ZNRF1: variants seen among roughly 807,000 people sequenced by gnomAD.
ZNRF1 encodes zinc and ring finger 1.
In ZNRF1, 3 loss-of-function variants were observed where a neutral mutation model predicts 18.4. The ratio of observed to expected loss-of-function variants is 0.16; its 90% CI spans 0.07 to 0.42. ZNRF1 has a LOEUF of 0.42. ZNRF1 is among the 10% of genes least tolerant of loss of function. The probability of loss-of-function intolerance (pLI) is 0.99; values close to 1 mark genes in which losing one functional copy is unlikely to be tolerated. For missense variants in ZNRF1, 310 were observed against 329.8 expected, an observed-to-expected ratio of 0.94 and a Z score of 0.47; for synonymous variants, 157 against 144.2, an observed-to-expected ratio of 1.09 and a Z score of -0.64.
intron 1 of ZNRF1, among the ~76,000 whole-genome samples, chr16:75,012,703 T>C (rs1367607479): frequency 6.6e-6 from 1 of 152,214 alleles, no homozygotes; most frequent in African/African-American, 2.4e-5. Context: ...GCGTGAGTTT[T>C]AGCTGTTTTC....
intron 3 of ZNRF1, chr16:75,105,222 T>G (rs2036300928): frequency 3.6e-6 from 1 of 275,020 alleles, no homozygotes; most frequent in African/African-American, 2.2e-5. Context: ...TCTCCCTGCC[T>G]CTTCTTCCTC....
chr16:75,096,337 G>T (rs923691462), intron 2 of ZNRF1, among the ~76,000 whole-genome samples: 2 of 152,114 alleles, frequency 1.3e-5, no homozygotes, highest in Non-Finnish European at 2.9e-5. Context: ...TAAGAGGAGA[G>T]CATTTGCTTC....
intron 2 of ZNRF1, among the ~76,000 whole-genome samples, chr16:75,100,738 G>T (rs2036245957): frequency 6.6e-6 from 1 of 152,232 alleles, no homozygotes. Flanking sequence ...GGGAAGGAAT[G>T]CTTTAGAGGA....
At position 75,095,759 on chromosome 16, in the gene ZNRF1, G is replaced by A. The variant is rs776352226; in HGVS notation, c.520+2092G>A. On this transcript the variant is annotated intron_variant, in intron 2 of 4. Coordinates refer to ENST00000335325, the MANE Select transcript of ZNRF1 (RefSeq NM_032268.5). ...TGTGGAGAACCGGGAAGGTGAGGCT[G>A]TCCAGCTCCTCTGCCAGAGAACTGC... The A allele has an allele frequency of 3.3e-6, 5 of 1,509,992 alleles. No individual in the cohort carries two copies. The South Asian group carries it at 6.2e-5, about 19-fold the overall frequency. The allele number at this position is 1,509,992 out of a possible 1,614,324, so 93.5% of individuals were successfully genotyped here.
chr16:75,017,133 C>G (rs2035083104), intron 1 of ZNRF1, among the ~76,000 whole-genome samples: 1 of 152,104 alleles, frequency 6.6e-6, no homozygotes, highest in Non-Finnish European at 1.5e-5. Flanking sequence ...GTAAACAGTT[C>G]TGTATGTTAC....
At chr16:75,066,276 T>C (rs1345416291) in intron 1 of ZNRF1, among the ~76,000 whole-genome samples, 2 of 152,182 alleles carry the variant, frequency 1.3e-5, no homozygotes, top group African/African-American at 2.4e-5. Context: ...TGAGGACATA[T>C]ATCACAAATA....
At chr16:75,053,115 T>C (rs2035625707) in intron 1 of ZNRF1, among the ~76,000 whole-genome samples, 1 of 152,172 alleles carries the variant, frequency 6.6e-6, no homozygotes, top group Admixed American at 6.5e-5. Context: ...TATTTATAGA[T>C]CGCAGAGGAA....
intron 1 of ZNRF1, among the ~76,000 whole-genome samples, chr16:75,057,911 G>C (rs769627728): frequency 2.6e-5 from 4 of 152,108 alleles, no homozygotes; most frequent in Non-Finnish European, 5.9e-5. Context: ...AAAGTGCTGG[G>C]GTTTACAGGC....
intron 1 of ZNRF1, among the ~76,000 whole-genome samples, chr16:75,036,211 C>G (rs1412210972): frequency 1.3e-5 from 2 of 152,184 alleles, no homozygotes; most frequent in African/African-American, 4.8e-5. Context: ...GCTGGGATCA[C>G]AGGCATGTGC....
intron 1 of ZNRF1, among the ~76,000 whole-genome samples, chr16:75,043,167 T>G (rs1366907302): frequency 1.3e-5 from 2 of 152,196 alleles, no homozygotes; most frequent in African/African-American, 4.8e-5. Flanking sequence ...AAGCCGTATT[T>G]ATACCAATGA....
intron 1 of ZNRF1, among the ~76,000 whole-genome samples, chr16:75,013,761 T>C (rs2035030058): frequency 1.3e-5 from 2 of 152,224 alleles, no homozygotes; most frequent in Admixed American, 1.3e-4. Flanking sequence ...GGAACTCAAA[T>C]AGCTGTGTGA....
chr16:75,017,653 G>C (rs954365360), intron 1 of ZNRF1, among the ~76,000 whole-genome samples: 1 of 152,132 alleles, frequency 6.6e-6, no homozygotes, highest in Non-Finnish European at 1.5e-5. Flanking sequence ...CTAAAACTGA[G>C]ATCTCCTTTA....
intron 2 of ZNRF1, among the ~76,000 whole-genome samples, chr16:75,098,937 C>T (rs973387620): frequency 6.6e-5 from 10 of 151,968 alleles, no homozygotes; most frequent in African/African-American, 1.9e-4. Flanking sequence ...GCAGAATACT[C>T]GAGCCTGGCA....
chr16:75,068,634 G>C (rs1353533472), intron 1 of ZNRF1, among the ~76,000 whole-genome samples: 3 of 152,086 alleles, frequency 2.0e-5, no homozygotes, highest in African/African-American at 7.2e-5. Flanking sequence ...GACTACCCCA[G>C]GTGTGTGTGA....
chr16:75,083,548 T>C (rs946817834), intron 1 of ZNRF1, among the ~76,000 whole-genome samples: 1 of 152,152 alleles, frequency 6.6e-6, no homozygotes, highest in Non-Finnish European at 1.5e-5. Context: ...AGAATCCTAA[T>C]ACCCAACAGA....
chr16:75,066,417 T>C (rs2035805040), intron 1 of ZNRF1, among the ~76,000 whole-genome samples: 1 of 152,240 alleles, frequency 6.6e-6, no homozygotes, highest in Admixed American at 6.5e-5. Context: ...TACCATTTTA[T>C]GTTTAACATT....
rs555457450 is a variant in ZNRF1 at position 75,107,148 on chromosome 16, T to C, written c.*32+577T>C. On this transcript the variant is annotated intron_variant, in intron 4 of 4. Coordinates refer to ENST00000335325, the MANE Select transcript of ZNRF1 (RefSeq NM_032268.5). ...GATCCCTCTATCCCACAGCACTGGG[T>C]GCTGACTCCACACATCCCCCTGGCT... is the stretch of plus-strand genomic sequence containing the variant. 6.3e-5 allele frequency: 11 copies of C among 175,092 alleles called. No individual in the cohort carries two copies. In the East Asian group the frequency reaches 1.5e-3, roughly 24 times the overall value. The allele number at this position is 175,092 out of a possible 1,614,324, so 10.8% of individuals were successfully genotyped here.
chr16:75,075,841 G>C (rs898105846), intron 1 of ZNRF1, among the ~76,000 whole-genome samples: 2 of 152,166 alleles, frequency 1.3e-5, no homozygotes, highest in African/African-American at 4.8e-5. Flanking sequence ...TGGAAAGGAT[G>C]GTTTTAGAGA....
At chr16:75,010,711 G>GTTTTTGTTT (rs2034986440) in intron 1 of ZNRF1, among the ~76,000 whole-genome samples, 6 of 74,324 alleles carry the variant, frequency 8.1e-5, no homozygotes, top group South Asian at 3.8e-4. Context: ...GTTTTTTTTT[G>GTTTTTGTTT]TTTTTTTGTT....
Sources: allele counts gnomAD v4.1 joint callset (sites outside exome capture counted in the v4.1 genomes callset), GRCh38; gene constraint gnomAD v4.1.1; transcripts MANE v1.5; gene names NCBI Gene and HGNC (gene_info 2026-07-23, HGNC 2026-07-21).